The following GAREM1 variants were observed in gnomAD, a reference collection of about 807,000 sequenced individuals.
The protein encoded by GAREM1 is GRB2-associated and regulator of MAPK protein 1.
Under a neutral mutation model 71.3 loss-of-function variants are expected in GAREM1, and 26 were observed. The ratio of observed to expected loss-of-function variants is 0.36; its 90% CI spans 0.27 to 0.51. The LOEUF (loss-of-function observed/expected upper bound fraction) is 0.51, where lower values mean the gene tolerates loss of function less well. Among genes scored for constraint, GAREM1 ranks in the 20% least tolerant of loss-of-function variants. The probability of loss-of-function intolerance (pLI) is 0.95; values close to 1 mark genes in which losing one functional copy is unlikely to be tolerated. For synonymous variants in GAREM1, 440 were observed against 433.2 expected (o/e 1.02, Z -0.20); for missense variants, 1,026 against 1,103.1 (o/e 0.93, Z 0.99).
intron 1 of GAREM1, among the ~76,000 whole-genome samples, chr18:32,441,935 T>C (rs1052622157): frequency 5.3e-5 from 8 of 151,890 alleles, no homozygotes; most frequent in Non-Finnish European, 1.2e-4. Flanking sequence ...ACCCCCACAA[T>C]ACAACACCGT....
At chr18:32,294,851 C>CA (rs1299993459) in intron 3 of GAREM1, among the ~76,000 whole-genome samples, 1 of 152,022 alleles carries the variant, frequency 6.6e-6, no homozygotes, top group Admixed American at 6.6e-5. Context: ...GTGGTGGTGA[C>CA]AGTGAGCATT....
intron 4 of GAREM1, among the ~76,000 whole-genome samples, chr18:32,271,465 A>G (rs2041462121): frequency 6.6e-6 from 1 of 152,156 alleles, no homozygotes; most frequent in Non-Finnish European, 1.5e-5. Context: ...GATTACAGGT[A>G]TGAGACATTG....
At chr18:32,464,615 C>T (rs1440193233) in intron 1 of GAREM1, among the ~76,000 whole-genome samples, 2 of 152,168 alleles carry the variant, frequency 1.3e-5, no homozygotes, top group East Asian at 1.9e-4. Context: ...CTATAACCTG[C>T]GGATTACCAG....
intron 1 of GAREM1, among the ~76,000 whole-genome samples, chr18:32,441,944 G>A (rs892091995): frequency 2.0e-5 from 3 of 151,940 alleles, no homozygotes; most frequent in East Asian, 1.9e-4. Flanking sequence ...ATACAACACC[G>A]TGCAGCTGAA....
intron 1 of GAREM1, among the ~76,000 whole-genome samples, chr18:32,442,814 T>A (rs1188905537): frequency 6.6e-6 from 1 of 152,174 alleles, no homozygotes; most frequent in Non-Finnish European, 1.5e-5. Flanking sequence ...ATGAAGATAT[T>A]GTTCTAGAAC....
At chr18:32,401,179 GT>G (rs1262147330) in intron 1 of GAREM1, among the ~76,000 whole-genome samples, 1 of 152,068 alleles carries the variant, frequency 6.6e-6, no homozygotes, top group Admixed American at 6.6e-5. Flanking sequence ...CTGTCGTGGG[GT>G]TGGGGGGAGA....
intron 2 of GAREM1, among the ~76,000 whole-genome samples, chr18:32,325,438 G>A (rs1009518583): frequency 2.0e-5 from 3 of 152,152 alleles, no homozygotes; most frequent in Non-Finnish European, 4.4e-5. Flanking sequence ...GGTGCAGGAT[G>A]TTAATGGTGG....
At chr18:32,393,758 T>C (rs2048225433) in intron 1 of GAREM1, among the ~76,000 whole-genome samples, 1 of 152,196 alleles carries the variant, frequency 6.6e-6, no homozygotes, top group Non-Finnish European at 1.5e-5. Context: ...CTTTTCGGCA[T>C]TTGAACGGAT....
chr18:32,453,779 G>A (rs973796194), intron 1 of GAREM1, among the ~76,000 whole-genome samples: 5 of 152,088 alleles, frequency 3.3e-5, no homozygotes, highest in South Asian at 2.1e-4. Context: ...ACCCCCATTC[G>A]ATCAACTACA....
rs139243758 is a variant in GAREM1 at position 32,431,987 on chromosome 18, T to C, written c.121+38321A>G. Among the ~76,000 whole-genome samples, 258 of 152,224 alleles carry C rather than the reference T, an allele frequency of 1.7e-3. 3 individuals are homozygous for C. The highest frequency in any genetic ancestry group is 0.014 in the East Asian group (72 of 5,174). ...ATATTCTTGACAAATGAAGGTGAAA[T>C]AGACATTCTCAGGTGAAGAAAATCT... On this transcript the variant is annotated intron_variant, in intron 1 of 5. Coordinates refer to ENST00000269209, the MANE Select transcript of GAREM1 (RefSeq NM_001242409.2).
rs1282271666 is a variant in GAREM1 at position 32,447,387 on chromosome 18, CTTA to C, written c.121+22918_121+22920del. Among the ~76,000 whole-genome samples, 13 of 152,218 alleles carry C rather than the reference CTTA, an allele frequency of 8.5e-5. No individual in the cohort carries two copies. In the South Asian group the frequency reaches 1.9e-3, roughly 22 times the overall value. The stretch of plus-strand genomic sequence containing the variant: ...ATTTTTACTTTCGCATATTTAAAAG[CTTA>C]TTAACAAAACCATTCGTCAAATAAA... On this transcript the variant is annotated intron_variant, in intron 1 of 5. Transcript: ENST00000269209.
intron 4 of GAREM1, among the ~76,000 whole-genome samples, chr18:32,281,056 G>A (rs2046946490): frequency 6.6e-6 from 1 of 152,188 alleles, no homozygotes; most frequent in Non-Finnish European, 1.5e-5. Flanking sequence ...TTTACCGAGT[G>A]CCAGGGAGAA....
At chr18:32,457,739 G>A (rs576268149) in intron 1 of GAREM1, among the ~76,000 whole-genome samples, 2 of 152,212 alleles carry the variant, frequency 1.3e-5, no homozygotes, top group Middle Eastern at 6.8e-3. Flanking sequence ...AATTGGCAGA[G>A]TGATATGTAC....
intron 2 of GAREM1, among the ~76,000 whole-genome samples, chr18:32,357,053 G>A (rs2047813801): frequency 6.6e-6 from 1 of 152,172 alleles, no homozygotes; most frequent in Non-Finnish European, 1.5e-5. Flanking sequence ...GGGACACAGA[G>A]GCTCTCTGGA....
At chr18:32,437,057 TTC>T (rs1440788996) in intron 1 of GAREM1, among the ~76,000 whole-genome samples, 1 of 152,236 alleles carries the variant, frequency 6.6e-6, no homozygotes, top group African/African-American at 2.4e-5. Context: ...TATAATGTTC[TTC>T]ATTTTACACC....
intron 2 of GAREM1, among the ~76,000 whole-genome samples, chr18:32,317,852 G>C (rs1337029102): frequency 2.0e-5 from 3 of 152,132 alleles, no homozygotes; most frequent in Non-Finnish European, 2.9e-5. Flanking sequence ...AAAGAGTTAA[G>C]AGCCAGTTTC....
chr18:32,422,544 G>A (rs2048529524), intron 1 of GAREM1, among the ~76,000 whole-genome samples: 1 of 152,182 alleles, frequency 6.6e-6, no homozygotes, highest in African/African-American at 2.4e-5. Context: ...TAAGTTTCCT[G>A]TGTAACTGGC....
intron 2 of GAREM1, among the ~76,000 whole-genome samples, chr18:32,352,097 GC>G (rs905042707): frequency 1.3e-5 from 2 of 152,012 alleles, no homozygotes; most frequent in African/African-American, 2.4e-5. Flanking sequence ...CCAAACAAAG[GC>G]ATTCTGAGCC....
intron 2 of GAREM1, among the ~76,000 whole-genome samples, chr18:32,325,863 G>A (rs1055773977): frequency 6.6e-6 from 1 of 152,160 alleles, no homozygotes; most frequent in Non-Finnish European, 1.5e-5. Context: ...GACTTACGAG[G>A]ATGACTAAAC....
Sources: allele counts gnomAD v4.1 joint callset (sites outside exome capture counted in the v4.1 genomes callset), GRCh38; gene constraint gnomAD v4.1.1; transcripts MANE v1.5; gene names NCBI Gene and HGNC (gene_info 2026-07-23, HGNC 2026-07-21).